SCIMP: variants seen among roughly 807,000 people sequenced by gnomAD.
SCIMP encodes the protein SLP adapter and CSK-interacting membrane protein.
A neutral mutation model predicts 22.0 loss-of-function variants in SCIMP; 18 were observed. The observed-to-expected ratio is 0.82, with a 90% CI of 0.56 to 1.21. The LOEUF (loss-of-function observed/expected upper bound fraction) is 1.21, where lower values mean the gene tolerates loss of function less well. Ranked by LOEUF, SCIMP falls within the 50% of genes most tolerant of loss-of-function variation. SCIMP has a pLI of 0.00. For missense variants in SCIMP, 155 were observed against 171.2 expected, an observed-to-expected ratio of 0.91 and a Z score of 0.53; for synonymous variants, 53 against 62.2, an observed-to-expected ratio of 0.85 and a Z score of 0.70.
intron 1 of SCIMP, among the ~76,000 whole-genome samples, chr17:5,224,186 G>A (rs966176133): frequency 3.3e-5 from 5 of 152,210 alleles, no homozygotes; most frequent in African/African-American, 1.2e-4. Flanking sequence ...TCAGGCTGGA[G>A]TGCAGTGGCG....
chr17:5,225,695 G>T (rs1233044305), intron 1 of SCIMP, among the ~76,000 whole-genome samples: 1 of 151,790 alleles, frequency 6.6e-6, no homozygotes, highest in African/African-American at 2.4e-5. Context: ...CTGGGAGTCA[G>T]AGGTTGCGGT....
intron 3 of SCIMP, among the ~76,000 whole-genome samples, chr17:5,216,348 T>C (rs2074565388): frequency 6.6e-6 from 1 of 152,040 alleles, no homozygotes; most frequent in African/African-American, 2.4e-5. Flanking sequence ...ATATATACTA[T>C]ATGATGCCAT....
At chr17:5,226,993 A>G (rs1466583570) in intron 1 of SCIMP, among the ~76,000 whole-genome samples, 1 of 152,038 alleles carries the variant, frequency 6.6e-6, no homozygotes, top group Non-Finnish European at 1.5e-5. Context: ...TACAGAAAAC[A>G]GGGAGTACAC....
Position 5,234,740 on chromosome 17 carries a change from CTG to C in SCIMP, c.14_15del (p.Thr5SerfsTer13). On this transcript the variant is annotated frameshift_variant, in exon 1 of 5. Coordinates refer to ENST00000574081, the MANE Select transcript of SCIMP (RefSeq NM_207103.3). LOFTEE classifies it high-confidence loss of function. The stretch of plus-strand genomic sequence containing the variant: ...TGGAAAGCTGAGATGCTTACCTGAA[CTG>C]TGAAAGTATCCATATGTGAGCAGCT... MDTFTVQDSTAMSWW... is the reference protein window; with the variant it reads MDTFXVQDSTAMSWW... 1 of 1,612,112 alleles carries C rather than the reference CTG, an allele frequency of 6.2e-7. No individual in the cohort carries two copies. The highest frequency in any genetic ancestry group is 2.2e-5 in the East Asian group (1 of 44,852).
chr17:5,221,819 C>T (rs1354581219), intron 2 of SCIMP, among the ~76,000 whole-genome samples: 1 of 152,218 alleles, frequency 6.6e-6, no homozygotes, highest in African/African-American at 2.4e-5. Context: ...GTTGCCCAGG[C>T]TGGAGTGCAG....
intron 3 of SCIMP, among the ~76,000 whole-genome samples, chr17:5,217,952 G>A (rs192029057): frequency 5.5e-4 from 84 of 152,114 alleles, no homozygotes; most frequent in African/African-American, 1.9e-3. Flanking sequence ...TGGGTCAAAT[G>A]GTATTTCTAG....
chr17:5,218,787 C>A (rs77898017), intron 3 of SCIMP, among the ~76,000 whole-genome samples: 8,424 of 152,218 alleles, frequency 0.055, 298 homozygotes, highest in East Asian at 0.16. Flanking sequence ...TTTAGAAAAG[C>A]AGAGATTTAA....
chr17:5,221,163 G>T (rs1354726977), intron 3 of SCIMP, 124 bp downstream of exon 3: 10 of 778,050 alleles, frequency 1.3e-5, no homozygotes, highest in Non-Finnish European at 2.3e-5. Context: ...CAGGTGTGAA[G>T]TCTCGCCAGC....
In SCIMP at chr17:5,210,874, G is replaced by T; in HGVS notation, c.365C>A (p.Pro122Gln). The T allele has an allele frequency of 1.2e-6, 2 of 1,614,112 alleles. No homozygotes were observed. The highest frequency in any genetic ancestry group is 1.7e-6 in the Non-Finnish European group (2 of 1,180,022). ...KVKNKKTVSI[P>Q]SYIEPEDDYD... ...GTCATCTTCAGGCTCAATGTAGCTT[G>T]GGATGGAAACAGTCTTCTTATTTTT... The change falls in exon 5 of 5, where the codon CCA becomes CAA. Residue 122 changes from proline (P) to glutamine (Q), a missense_variant. Physicochemically the swap from Pro to Gln is moderately conservative, Grantham distance 76 (BLOSUM62 -1). Transcript: ENST00000574081.
At chr17:5,229,382 A>G (rs1238754176) in intron 1 of SCIMP, among the ~76,000 whole-genome samples, 34 of 85,490 alleles carry the variant, frequency 4.0e-4, no homozygotes, top group African/African-American at 1.3e-3. Flanking sequence ...GGGTTTATTT[A>G]GCTTTTTTTT....
chr17:5,211,966 T>G (rs566889374), intron 4 of SCIMP, among the ~76,000 whole-genome samples: 1 of 151,966 alleles, frequency 6.6e-6, no homozygotes, highest in Non-Finnish European at 1.5e-5. Flanking sequence ...GAGAATTGCT[T>G]GAACCCAGGT....
intron 1 of SCIMP, among the ~76,000 whole-genome samples, chr17:5,226,445 T>C (rs2074649008): frequency 6.6e-6 from 1 of 152,096 alleles, no homozygotes; most frequent in Non-Finnish European, 1.5e-5. Context: ...TTTTTGTCAG[T>C]TTTGTTCTTA....
At chr17:5,225,294 G>C (rs1021947491) in intron 1 of SCIMP, among the ~76,000 whole-genome samples, 2 of 151,900 alleles carry the variant, frequency 1.3e-5, no homozygotes, top group African/African-American at 4.8e-5. Context: ...GCGAAACCCT[G>C]TCTCTACTAA....
rs2074520156 is a variant in SCIMP, at chr17:5,210,729, A to G, written c.*72T>C. 6.5e-7 allele frequency: 1 copy of G among 1,545,408 alleles called. No homozygotes were observed. Among genetic ancestry groups the G allele is most frequent in the Non-Finnish European group, 8.7e-7 (1 of 1,151,570 alleles). On this transcript the variant is annotated 3_prime_UTR_variant, in exon 5 of 5. Transcript: ENST00000574081. ...GGGCCCAGAGACCTACTGAAGTTCA[A>G]CCATTCTTGATTGTTTTAAAATAAG...
rs980488514 is a variant in SCIMP at position 5,223,380 on chromosome 17, C to T, written c.98G>A (p.Gly33Asp). ...GACACAGTACAGGATGAGGCCCAGA[C>T]CCACAGAGACAACGATGATGGCCAC... ...LAVAIIVVSV[G>D]LGLILYCVCK... The change falls in exon 2 of 5, where the codon GGT (glycine) becomes GAT (aspartate). Residue 33 changes from glycine to aspartate, a missense_variant. Gly to Asp is a moderately conservative substitution (Grantham distance 94). Coordinates refer to ENST00000574081, the MANE Select transcript of SCIMP (RefSeq NM_207103.3). 5.6e-6 allele frequency: 9 copies of T among 1,613,648 alleles called. No individual in the cohort carries two copies. The highest frequency in any genetic ancestry group is 7.6e-6 in the Non-Finnish European group (9 of 1,179,836).
At chr17:5,218,424 C>CTG (rs2074581614) in intron 3 of SCIMP, among the ~76,000 whole-genome samples, 1 of 151,478 alleles carries the variant, frequency 6.6e-6, no homozygotes, top group Non-Finnish European at 1.5e-5. Flanking sequence ...ACTGCAACCT[C>CTG]CACCTCCTGG....
chr17:5,226,130 C>T (rs2074646995), intron 1 of SCIMP, among the ~76,000 whole-genome samples: 1 of 152,136 alleles, frequency 6.6e-6, no homozygotes, highest in South Asian at 2.1e-4. Context: ...ATACCACGAC[C>T]TGCGCATTCA....
chr17:5,234,138 G>A (rs2074724862), intron 1 of SCIMP, among the ~76,000 whole-genome samples: 1 of 152,108 alleles, frequency 6.6e-6, no homozygotes, highest in African/African-American at 2.4e-5. Context: ...AGGTGTGGTG[G>A]CGGGTGCCTG....
intron 4 of SCIMP, among the ~76,000 whole-genome samples, chr17:5,211,711 C>CTT (rs1411318494): frequency 6.6e-6 from 1 of 152,118 alleles, no homozygotes; most frequent in Non-Finnish European, 1.5e-5. Context: ...ACAAATCTCT[C>CTT]TAAGAAGAAA....
Sources: gnomAD v4.1 joint callset for allele counts (sites outside exome capture counted in the v4.1 genomes callset) on GRCh38, gnomAD v4.1.1 for gene constraint, MANE v1.5 for transcripts, NCBI Gene and HGNC (gene_info 2026-07-23, HGNC 2026-07-21) for gene names.